Variants in ULK2 observed in about 807,000 individuals in gnomAD.
The protein encoded by ULK2 is serine/threonine-protein kinase ULK2.
ULK2 carries 76 observed loss-of-function variants against 127.5 expected under a neutral mutation model. The ratio of observed to expected loss-of-function variants is 0.60; its 90% CI spans 0.50 to 0.72. The LOEUF (loss-of-function observed/expected upper bound fraction) is 0.72. Ranked by LOEUF, ULK2 falls within the 30% of genes least tolerant of loss-of-function variation. ULK2 has a pLI of 0.00. For missense variants in ULK2, 1,144 were observed against 1,295.9 expected, an observed-to-expected ratio of 0.88 and a Z score of 1.80; for synonymous variants, 452 against 461.9, an observed-to-expected ratio of 0.98 and a Z score of 0.28.
chr17:19,865,909 T>C (rs2042342126), intron 1 of ULK2, 81 bp from the exon 2 acceptor site: 1 of 801,314 alleles, frequency 1.2e-6, no homozygotes, highest in Non-Finnish European at 2.0e-6. Context: ...GAAGGTGTTT[T>C]TGGCAAATAA....
chr17:19,827,996 CAGAG>C (rs1463264074), intron 10 of ULK2, among the ~76,000 whole-genome samples: 1 of 151,088 alleles, frequency 6.6e-6, no homozygotes, highest in Non-Finnish European at 1.5e-5. Context: ...TTTCAAAAGA[CAGAG>C]AGAATCTTGG....
chr17:19,824,961 T>C, intron 12 of ULK2, 133 bp downstream of exon 12: 1 of 880,260 alleles, frequency 1.1e-6, no homozygotes, highest in Non-Finnish European at 1.8e-6. Flanking sequence ...TATCATGTTC[T>C]TTCCCCCAAA....
rs202104967 is a variant in ULK2 at position 19,825,434 on chromosome 17, G to T, written c.836-252C>A. Among the ~76,000 whole-genome samples, 16 of 152,318 alleles carry T rather than the reference G, an allele frequency of 1.1e-4. No individual in the cohort carries two copies. In the East Asian group the frequency reaches 2.7e-3, roughly 26 times the overall value. On this transcript the variant is annotated intron_variant, in intron 11 of 26. Transcript: ENST00000395544. ...TAGGTATCTAAGAAAATCAGGCTGG[G>T]AGCAGAGGCTCACTCCTATAATCCC...
At chr17:19,806,277 CAG>C (rs35586627) in intron 14 of ULK2, among the ~76,000 whole-genome samples, 36,222 of 152,012 alleles carry the variant, frequency 0.24, 4,389 homozygotes, top group Non-Finnish European at 0.27. Flanking sequence ...AGTAAGTAAA[CAG>C]AGTTTTTGAA....
At chr17:19,849,087 C>T (rs1009150479) in intron 5 of ULK2, among the ~76,000 whole-genome samples, 3 of 152,070 alleles carry the variant, frequency 2.0e-5, no homozygotes, top group Admixed American at 6.6e-5. Context: ...GGAATTCTAT[C>T]GGGTTTCTCC....
Position 19,845,171 on chromosome 17 carries a change from T to C in ULK2, c.543+133A>G, listed in dbSNP as rs1183993648. The C allele has an allele frequency of 4.1e-6, 3 of 732,988 alleles. No individual in the cohort carries two copies. In the African/African-American group the frequency reaches 5.3e-5, roughly 13 times the overall value. 45.4% of individuals were successfully genotyped at this position (732,988 alleles called of 1,614,324 possible). A position where few individuals can be genotyped will look rare whatever the true frequency, so the allele number is the denominator to read the frequency against. On this transcript the variant is annotated intron_variant, in intron 7 of 26. Coordinates refer to ENST00000395544, the MANE Select transcript of ULK2 (RefSeq NM_014683.4). ...GTCTGTATTATAGCATTATCAGTAA[T>C]ATAATTAACATTAGTAATAACAACT...
At position 19,799,572 on chromosome 17, in the gene ULK2, C is replaced by T. The variant is rs2087350368; in HGVS notation, c.1445G>A (p.Gly482Asp). The T allele has an allele frequency of 2.2e-6, 3 of 1,378,848 alleles. No homozygotes were observed. Among genetic ancestry groups the T allele is most frequent in the African/African-American group, 1.9e-5 (1 of 53,842 alleles). 85.4% of individuals were successfully genotyped at this position (1,378,848 alleles called of 1,614,324 possible). ...CTGACTGAATTGCTCAGGAATGGTACCAACTACAAAAAAAAAAAAAAAAAA... is the reference window on the plus strand; with the variant it reads ...CTGACTGAATTGCTCAGGAATGGTATCAACTACAAAAAAAAAAAAAAAAAA... The part of the protein sequence containing the change: ...SRPYSPSPLV[G>D]TIPEQFSQCC... The change falls in exon 17 of 27, where the codon GGT (glycine) becomes GAT (aspartate). Residue 482 changes from glycine to aspartate, a missense_variant. Physicochemically the swap from Gly to Asp is moderately conservative, Grantham distance 94. This residue lies in a region of ULK2 where 913 missense variants were observed against 970.5 expected (regional missense o/e 0.94). Transcript: ENST00000395544.
At chr17:19,818,157 C>T (rs2041040584) in intron 12 of ULK2, among the ~76,000 whole-genome samples, 1 of 151,926 alleles carries the variant, frequency 6.6e-6, no homozygotes, top group Non-Finnish European at 1.5e-5. Context: ...CCCGTCTCTA[C>T]TAAAAAATAC....
Position 19,780,640 on chromosome 17 carries a change from AT to A in ULK2, c.2759-12del. ...TCAGATTCTTGACAACTGAAAAAAA[AT>A]TGAGATGGGAACTAATTTTAATTTT... On this transcript the variant is annotated splice_polypyrimidine_tract_variant and intron_variant, in intron 24 of 26. Transcript: ENST00000395544. 2 of 1,595,346 alleles carry A rather than the reference AT, an allele frequency of 1.3e-6. No individual in the cohort carries two copies. Among genetic ancestry groups the A allele is most frequent in the Non-Finnish European group, 1.7e-6 (2 of 1,171,496 alleles).
At chr17:19,845,158 G>A (rs2152398020) in intron 7 of ULK2, 146 bp downstream of exon 7, 1 of 657,246 alleles carries the variant, frequency 1.5e-6, no homozygotes, top group Non-Finnish European at 2.5e-6. Flanking sequence ...CTGTATTATA[G>A]CATTATCAGT....
chr17:19,788,635 C>T (rs2087086609), intron 20 of ULK2, among the ~76,000 whole-genome samples: 1 of 152,020 alleles, frequency 6.6e-6, no homozygotes, highest in African/African-American at 2.4e-5. Flanking sequence ...AGCTTGATTA[C>T]AGTGGGATAG....
chr17:19,780,374 A>G (rs2086893513), intron 25 of ULK2, 98 bp downstream of exon 25: 1 of 1,162,060 alleles, frequency 8.6e-7, no homozygotes, highest in Non-Finnish European at 1.2e-6. Flanking sequence ...GACTTGAGAC[A>G]TTATCTTTTA....
intron 16 of ULK2, among the ~76,000 whole-genome samples, chr17:19,801,314 C>T (rs1172871532): frequency 6.6e-6 from 1 of 152,178 alleles, no homozygotes; most frequent in Non-Finnish European, 1.5e-5. Context: ...TGGCTCACAC[C>T]TATAATCCCA....
intron 10 of ULK2, 116 bp downstream of exon 10, chr17:19,838,381 GAAAT>G (rs2041649840): frequency 1.2e-6 from 1 of 853,212 alleles, no homozygotes; most frequent in African/African-American, 1.7e-5. Context: ...ACCAGTGAAG[GAAAT>G]AAACAAAAAG....
At position 19,857,307 on chromosome 17, in the gene ULK2, C is replaced by CA. The variant is rs11351804; in HGVS notation, c.225+7495dup. On this transcript the variant is annotated intron_variant, in intron 3 of 26. Transcript: ENST00000395544. ...TGGGTGACAGAGTGAGACTCTGTCT[C>CA]AAAAAAAAAAAAAAAAAAATGTTTT... 9.8e-3 allele frequency among the ~76,000 whole-genome samples: 706 copies of CA among 72,406 alleles called. 5 individuals carry two copies. The highest frequency in any genetic ancestry group is 0.031 in the Middle Eastern group (4 of 128). 47.5% of individuals were successfully genotyped at this position (72,406 alleles called of 152,430 possible).
At chr17:19,851,452 A>G (rs1261558794) in intron 3 of ULK2, among the ~76,000 whole-genome samples, 2 of 152,036 alleles carry the variant, frequency 1.3e-5, no homozygotes, top group Non-Finnish European at 2.9e-5. Context: ...CGCCTGGCCA[A>G]CATGGTGAAA....
At chr17:19,864,149 A>T (rs551209205) in intron 3 of ULK2, among the ~76,000 whole-genome samples, 4 of 152,060 alleles carry the variant, frequency 2.6e-5, no homozygotes, top group African/African-American at 9.6e-5. Context: ...TCTACAAAAT[A>T]AAAAAAATGT....
intron 10 of ULK2, among the ~76,000 whole-genome samples, chr17:19,833,367 A>AT (rs71157838): frequency 0.87 from 129,260 of 148,978 alleles, 57,126 homozygotes; most frequent in Non-Finnish European, 0.96. Context: ...TTATAAACAA[A>AT]TTTTTTTTTT....
chr17:19,847,258 G>A (rs281348), intron 5 of ULK2, among the ~76,000 whole-genome samples: 5,974 of 152,186 alleles, frequency 0.039, 308 homozygotes, highest in East Asian at 0.24. Context: ...CAAAAGCTAA[G>A]TTCCCTTCAT....
Sources: allele counts gnomAD v4.1 joint callset (sites outside exome capture counted in the v4.1 genomes callset), GRCh38; gene constraint gnomAD v4.1.1; regional missense constraint gnomAD v4.1.1; transcripts MANE v1.5; gene names NCBI Gene and HGNC (gene_info 2026-07-23, HGNC 2026-07-21).